The following POLD3 variants were observed in gnomAD, a reference collection of about 807,000 sequenced individuals.
The protein encoded by POLD3 is DNA polymerase delta subunit 3.
A neutral mutation model predicts 58.2 loss-of-function variants in POLD3; 19 were observed. The ratio of observed to expected loss-of-function variants is 0.33; its 90% CI spans 0.23 to 0.48. The LOEUF (loss-of-function observed/expected upper bound fraction) is 0.48, where lower values mean the gene tolerates loss of function less well. POLD3 is among the 20% of genes least tolerant of loss of function. The pLI, the probability that POLD3 is intolerant of heterozygous loss-of-function variation, is 0.99. For missense variants in POLD3, 504 were observed against 545.5 expected (o/e 0.92, Z 0.76); for synonymous variants, 172 against 193.5 (o/e 0.89, Z 0.92).
At chr11:74,600,311 G>A (rs990476945) in intron 2 of POLD3, among the ~76,000 whole-genome samples, 15 of 151,954 alleles carry the variant, frequency 9.9e-5, no homozygotes, top group Admixed American at 2.0e-4. Context: ...TAGGCTGGGC[G>A]CGGTGACTAA....
chr11:74,634,779 T>C (rs2032700387), intron 10 of POLD3, 84 bp downstream of exon 10: 1 of 782,762 alleles, frequency 1.3e-6, no homozygotes, highest in Non-Finnish European at 2.3e-6. Flanking sequence ...TTAGTTCCCT[T>C]GCTGTATACT....
chr11:74,599,674 T>C (rs562264344), intron 2 of POLD3, among the ~76,000 whole-genome samples: 44 of 152,070 alleles, frequency 2.9e-4, no homozygotes, highest in Non-Finnish European at 4.1e-4. Context: ...ATACTGTTTT[T>C]TTTTAGCATT....
chr11:74,642,306 CA>C lies in POLD3; in HGVS notation c.*1544del, dbSNP rs1297225173. On this transcript the variant is annotated 3_prime_UTR_variant, in exon 12 of 12. Coordinates refer to ENST00000263681, the MANE Select transcript of POLD3 (RefSeq NM_006591.3). ...AAGCTGAGTAAAGGTTGACATATTCCAAAACCCTTCTTTTTAAAAGGAAAAA... is the reference window on the plus strand; with the variant it reads ...AAGCTGAGTAAAGGTTGACATATTCCAAACCCTTCTTTTTAAAAGGAAAAA... The C allele has an allele frequency of 1.8e-5, 18 of 985,102 alleles. No homozygotes were observed. The highest frequency in any genetic ancestry group is 2.2e-5 in the Non-Finnish European group (18 of 829,794). The allele number at this position is 985,102 out of a possible 1,614,324, so 61.0% of individuals were successfully genotyped here. A position where few individuals can be genotyped will look rare whatever the true frequency, so the allele number is the denominator to read the frequency against.
At chr11:74,621,965 A>G (rs920281626) in intron 7 of POLD3, among the ~76,000 whole-genome samples, 8 of 151,872 alleles carry the variant, frequency 5.3e-5, no homozygotes, top group Non-Finnish European at 1.0e-4. Context: ...GGTGTGCTGC[A>G]CCCATTAACT....
downstream of POLD3, among the ~76,000 whole-genome samples, chr11:74,644,271 CTG>C (rs200507431): frequency 2.8e-3 from 420 of 152,348 alleles, 2 homozygotes; most frequent in Middle Eastern, 0.01. Flanking sequence ...GAAACGTACT[CTG>C]TGTCAAGACT....
chr11:74,594,840 AC>A (rs1220793739), intron 2 of POLD3, among the ~76,000 whole-genome samples: 3 of 152,088 alleles, frequency 2.0e-5, no homozygotes, highest in Non-Finnish European at 4.4e-5. Context: ...CCCTTGTAAA[AC>A]CGTCAGATTT....
intron 2 of POLD3, among the ~76,000 whole-genome samples, chr11:74,601,062 G>A (rs915298582): frequency 6.6e-6 from 1 of 152,162 alleles, no homozygotes; most frequent in African/African-American, 2.4e-5. Context: ...TGCATTTTCT[G>A]TTAATATAAG....
intron 7 of POLD3, among the ~76,000 whole-genome samples, chr11:74,621,909 GTGCACAATGTGCA>G (rs1156890801): frequency 6.6e-6 from 1 of 150,864 alleles, no homozygotes; most frequent in African/African-American, 2.4e-5. Flanking sequence ...TAGGGTACAC[GTGCACAATGTGCA>G]CGTTAGTTAC....
chr11:74,668,963 T>C, exon 5 of POLD3: 1 of 375,768 alleles, frequency 2.7e-6, no homozygotes, highest in Non-Finnish European at 4.9e-6. Flanking sequence ...AGAGAAAAAG[T>C]TTAGAAAGAA....
intron 8 of POLD3, among the ~76,000 whole-genome samples, chr11:74,627,029 T>C (rs1184702850): frequency 6.6e-6 from 1 of 152,184 alleles, no homozygotes; most frequent in Non-Finnish European, 1.5e-5. Flanking sequence ...CACTATACTT[T>C]TTATCATTTT....
downstream of POLD3, among the ~76,000 whole-genome samples, chr11:74,646,619 C>T (rs1478214333): frequency 6.6e-6 from 1 of 152,152 alleles, no homozygotes; most frequent in African/African-American, 2.4e-5. Flanking sequence ...CAGTTTAAGT[C>T]GAGAACATTG....
intron 5 of POLD3, among the ~76,000 whole-genome samples, chr11:74,614,954 A>G (rs1273974661): frequency 1.3e-5 from 2 of 152,224 alleles, no homozygotes; most frequent in Non-Finnish European, 2.9e-5. Flanking sequence ...GAGGATGTCC[A>G]TCGCAAAAGA....
chr11:74,611,483 T>C lies in POLD3; in HGVS notation c.220-16T>C. On this transcript the variant is annotated splice_polypyrimidine_tract_variant and intron_variant, in intron 3 of 11. Transcript: ENST00000263681. ...ATTCTTACATTAAGCACTAATAAAG[T>C]GTTATTTTCTTACAGTGCCACAAGG... The C allele has an allele frequency of 6.7e-7, 1 of 1,489,210 alleles. No individual in the cohort carries two copies. The highest frequency in any genetic ancestry group is 9.3e-7 in the Non-Finnish European group (1 of 1,076,128). 92.2% of individuals were successfully genotyped at this position (1,489,210 alleles called of 1,614,324 possible).
In POLD3 at chr11:74,641,341, C is replaced by T; in HGVS notation, c.*575C>T. 1.0e-6 allele frequency: 1 copy of T among 985,422 alleles called. No homozygotes were observed. The highest frequency in any genetic ancestry group is 1.2e-6 in the Non-Finnish European group (1 of 829,942). 61.0% of individuals were successfully genotyped at this position (985,422 alleles called of 1,614,324 possible). ...CCTGTAATCCTCTTCCTCCATTATG[C>T]AGTACACGGACACCTGGCTACAGAC... On this transcript the variant is annotated 3_prime_UTR_variant, in exon 12 of 12. Transcript: ENST00000263681.
At chr11:74,669,308 C>T (rs2033311379), downstream of POLD3, among the ~76,000 whole-genome samples, 1 of 152,266 alleles carries the variant, frequency 6.6e-6, no homozygotes, top group Middle Eastern at 3.4e-3. Flanking sequence ...GTGGGAGATG[C>T]AGGAGGCCAA....
intron 4 of POLD3, among the ~76,000 whole-genome samples, chr11:74,665,118 TA>T (rs1470708513): frequency 1.4e-5 from 2 of 138,460 alleles, no homozygotes; most frequent in East Asian, 4.1e-4. Context: ...AAAATAAAAA[TA>T]AAATAAATAA....
Position 74,602,614 on chromosome 11 carries a change from A to C in POLD3, c.117-2078A>C, listed in dbSNP as rs551120549. Among the ~76,000 whole-genome samples the C allele has an allele frequency of 5.6e-5, 8 of 142,866 alleles. 1 individual carries two copies. In the South Asian group the frequency reaches 1.8e-3, roughly 32 times the overall value. The allele number at this position is 142,866 out of a possible 152,430, so 93.7% of individuals were successfully genotyped here. A position where few individuals can be genotyped will look rare whatever the true frequency, so the allele number is the denominator to read the frequency against. On this transcript the variant is annotated intron_variant, in intron 2 of 11. Transcript: ENST00000263681. ...TAGGCTGGGTTATTGCAATAGCCTAACTGGTCTTGCTTCCTCCCTTGCCCC... is the reference window on the plus strand; with the variant it reads ...TAGGCTGGGTTATTGCAATAGCCTACCTGGTCTTGCTTCCTCCCTTGCCCC...
chr11:74,666,648 A>G (rs2033272033), intron 4 of POLD3, among the ~76,000 whole-genome samples: 2 of 152,324 alleles, frequency 1.3e-5, no homozygotes, highest in Non-Finnish European at 2.9e-5. Context: ...TAAGATGGCA[A>G]TACTCCCTAA....
At chr11:74,627,619 C>T (rs561367537) in intron 8 of POLD3, among the ~76,000 whole-genome samples, 2 of 152,272 alleles carry the variant, frequency 1.3e-5, no homozygotes, top group South Asian at 2.1e-4. Flanking sequence ...AAGCCCCATT[C>T]GTGGTAAGTG....
Sources: gnomAD v4.1 joint callset for allele counts (sites outside exome capture counted in the v4.1 genomes callset) on GRCh38, gnomAD v4.1.1 for gene constraint, MANE v1.5 for transcripts, NCBI Gene and HGNC (gene_info 2026-07-23, HGNC 2026-07-21) for gene names.